The following DSPP variants were observed in gnomAD, a reference collection of about 807,000 sequenced individuals.
DSPP encodes the protein dentin sialophosphoprotein.
A neutral mutation model predicts 29.1 loss-of-function variants in DSPP; 28 were observed. The ratio of observed to expected loss-of-function variants is 0.96; its 90% confidence interval spans 0.71 to 1.32. The LOEUF is 1.32. Ranked by LOEUF, DSPP falls within the 40% of genes most tolerant of loss-of-function variation. The probability of loss-of-function intolerance (pLI) is 0.00; values close to 1 mark genes in which losing one functional copy is unlikely to be tolerated. For synonymous variants in DSPP, 481 were observed against 503.4 expected (o/e 0.96, Z 0.60); for missense variants, 1,281 against 1,629.9 (o/e 0.79, Z 3.69).
In DSPP at chr4:87,616,282, G is replaced by C; in HGVS notation, c.3620G>C (p.Ser1207Thr). 1 of 1,488,768 alleles carries C rather than the reference G, an allele frequency of 6.7e-7. No homozygotes were observed. Among genetic ancestry groups the C allele is most frequent in the Non-Finnish European group, 8.9e-7 (1 of 1,117,358 alleles). 92.2% of individuals were successfully genotyped at this position (1,488,768 alleles called of 1,614,324 possible). ...DSSDSSDSSD[S>T]SDSSDSSDSS... ...AGCGACAGCAGCGATAGTAGTGATA[G>C]CAGTGACAGCAGTGACAGCAGCGAC... The change falls in exon 5 of 5, where the codon AGC (serine) becomes ACC (threonine). Residue 1207 changes from serine to threonine, a missense_variant. Physicochemically the swap from Ser to Thr is moderately conservative, Grantham distance 58 (BLOSUM62 1). Coordinates refer to ENST00000651931, the MANE Select transcript of DSPP (RefSeq NM_014208.3).
In DSPP at chr4:87,615,407, T is replaced by G. The variant is rs1215774260; in HGVS notation, c.2745T>G (p.Ser915Arg). 9 of 1,516,580 alleles carry G rather than the reference T, an allele frequency of 5.9e-6. No individual in the cohort carries two copies. The highest frequency in any genetic ancestry group is 2.4e-5 in the South Asian group (2 of 81,950). 93.9% of individuals were successfully genotyped at this position (1,516,580 alleles called of 1,614,324 possible). A position where few individuals can be genotyped will look rare whatever the true frequency, so the allele number is the denominator to read the frequency against. Residue 915 changes from serine (S) to arginine (R), a missense_variant, in exon 5 of 5, where the codon AGT (serine) becomes AGG (arginine). Around this residue, in one of 4 missense-constraint regions of DSPP, gnomAD observed 444 missense variants for 611.4 expected, o/e 0.73. Transcript: ENST00000651931. The stretch of plus-strand genomic sequence containing the variant: ...ATAGCAGCAACAGCAGTGACAGCAG[T>G]GATAGCAGCAACAGCAGTGATAGCA... ...SSDSSNSSDS[S>R]DSSNSSDSSE...
rs372453629 is a variant in DSPP at position 87,615,971 on chromosome 4, C to T, written c.3309C>T (p.Ser1103=). Residue 1103 remains serine (S), a synonymous_variant, in exon 5 of 5, where the codon AGC becomes AGT. Coordinates refer to ENST00000651931, the MANE Select transcript of DSPP (RefSeq NM_014208.3). ...SSDSSDSSDS[S]DSSDSSDSSD... ...ACAGCAGCGATAGCAGCGACAGCAG[C>T]GACAGCAGCGATAGCAGTGACAGCA... 0.12 allele frequency: 38,934 copies of T among 313,818 alleles called. 15,687 individuals are homozygous for T. Among genetic ancestry groups the T allele is most frequent in the East Asian group, 0.42 (2,439 of 5,848 alleles). The allele number at this position is 313,818 out of a possible 1,614,324, so 19.4% of individuals were successfully genotyped here. A position where few individuals can be genotyped will look rare whatever the true frequency, so the allele number is the denominator to read the frequency against.
intron 4 of DSPP, 67 bp from the exon 5 acceptor site, chr4:87,613,718 C>T (rs780539025): frequency 1.4e-5 from 23 of 1,610,296 alleles, no homozygotes; most frequent in Admixed American, 6.7e-5. Context: ...GTTATTCTTC[C>T]TCAGATCAAT....
At position 87,616,308 on chromosome 4, in the gene DSPP, A is replaced by T; in HGVS notation, c.3646A>T (p.Ser1216Cys). 6.6e-7 allele frequency: 1 copy of T among 1,514,824 alleles called. No individual in the cohort carries two copies. The highest frequency in any genetic ancestry group is 8.9e-7 in the Non-Finnish European group (1 of 1,122,408). The allele number at this position is 1,514,824 out of a possible 1,614,324, so 93.8% of individuals were successfully genotyped here. A position where few individuals can be genotyped will look rare whatever the true frequency, so the allele number is the denominator to read the frequency against. ...DSSDSSDSSD[S>C]SDSSDSSDSS... ...CAGTGACAGCAGTGACAGCAGCGAC[A>T]GCAGTGACAGCAGCGACAGCAGTGA... Residue 1216 changes from serine (S) to cysteine (C), a missense_variant, in exon 5 of 5, where the codon AGC becomes TGC. This residue lies in a region of DSPP where 134 missense variants were observed against 185.0 expected (regional missense o/e 0.72). Coordinates refer to ENST00000651931, the MANE Select transcript of DSPP (RefSeq NM_014208.3).
chr4:87,615,650 CAGCAGTGAT>C lies in DSPP; in HGVS notation c.2994_3002del (p.Asp999_Ser1001del), dbSNP rs1727876731. 3 of 1,538,688 alleles carry C rather than the reference CAGCAGTGAT, an allele frequency of 1.9e-6. No homozygotes were observed. Among genetic ancestry groups the C allele is most frequent in the African/African-American group, 1.4e-5 (1 of 71,206 alleles). ...GCAGTGATAGCAGTGACAGCAGTGA[CAGCAGTGAT>C]AGCAGCAACAGCAGTGATAGCAGTG... On this transcript the variant is annotated inframe_deletion, in exon 5 of 5. Transcript: ENST00000651931.
rs1727802025 is a variant in DSPP at position 87,614,193 on chromosome 4, G to T, written c.1531G>T (p.Glu511Ter). 1.2e-6 allele frequency: 2 copies of T among 1,614,132 alleles called. No individual in the cohort carries two copies. Among genetic ancestry groups the T allele is most frequent in the African/African-American group, 1.3e-5 (1 of 74,950 alleles). ...CAATGGCAGTGACTCAAAAGGAGCAGAAGATGATGACAGTGATAGCACATC... is the reference window on the plus strand; with the variant it reads ...CAATGGCAGTGACTCAAAAGGAGCATAAGATGATGACAGTGATAGCACATC... ...NGNGSDSKGA[E>*]DDDSDSTSDT... The change falls in exon 5 of 5, where the codon GAA becomes TAA. Residue 511 changes from glutamate (E) to a stop codon, truncating the protein, a stop_gained. Coordinates refer to ENST00000651931, the MANE Select transcript of DSPP (RefSeq NM_014208.3). LOFTEE classifies it low-confidence loss of function (END_TRUNC).
chr4:87,609,356 C>A (rs1578139358), intron 1 of DSPP, among the ~76,000 whole-genome samples: 1 of 152,286 alleles, frequency 6.6e-6, no homozygotes. Context: ...TATGCTGAGG[C>A]TCTTCCAAAT....
At chr4:87,611,746 G>T (rs1446521606) in intron 2 of DSPP, among the ~76,000 whole-genome samples, 1 of 152,162 alleles carries the variant, frequency 6.6e-6, no homozygotes, top group Non-Finnish European at 1.5e-5. Flanking sequence ...CTTAGAGCGG[G>T]TTTGTGCTAG....
chr4:87,614,894 T>A lies in DSPP; in HGVS notation c.2232T>A (p.Ser744Arg), dbSNP rs982165935. Reference protein sequence around the residue: ...SSDSSNSSDSSDSSDSSNSSD... With the variant: ...SSDSSNSSDSRDSSDSSNSSD... ...ACAGCAGCAACAGCAGTGACAGCAG[T>A]GATAGCAGTGACAGCAGCAACAGCA... The change falls in exon 5 of 5, where the codon AGT (serine) becomes AGA (arginine). Residue 744 changes from serine (S) to arginine (R), a missense_variant. Around this residue, in one of 4 missense-constraint regions of DSPP, gnomAD observed 444 missense variants for 611.4 expected, o/e 0.73. Transcript: ENST00000651931. 3 of 1,541,878 alleles carry A rather than the reference T, an allele frequency of 1.9e-6. No individual in the cohort carries two copies. Among genetic ancestry groups the A allele is most frequent in the Admixed American group, 2.0e-5 (1 of 50,500 alleles).
chr4:87,609,507 C>T (rs1461379050), intron 1 of DSPP, among the ~76,000 whole-genome samples: 1 of 152,110 alleles, frequency 6.6e-6, no homozygotes, highest in African/African-American at 2.4e-5. Context: ...CCTGGTGTCA[C>T]CTCAGCCTCA....
chr4:87,611,030 A>AGTTT, intron 2 of DSPP, 71 bp downstream of exon 2: 1 of 820,788 alleles, frequency 1.2e-6, no homozygotes, highest in Non-Finnish European at 2.1e-6. Flanking sequence ...TACAAAATGT[A>AGTTT]GTGTGTGTGT....
intron 1 of DSPP, 60 bp from the exon 2 acceptor site, chr4:87,610,821 T>A (rs1401939114): frequency 8.9e-7 from 1 of 1,124,950 alleles, no homozygotes; most frequent in Non-Finnish European, 1.4e-6. Context: ...CAAAATAATA[T>A]AGTACTATGA....
In DSPP at chr4:87,612,849, A is replaced by C. The variant is rs1374838440; in HGVS notation, c.663A>C (p.Arg221Ser). Residue 221 changes from arginine (R) to serine (S), a missense_variant, in exon 4 of 5, where the codon AGA (arginine) becomes AGC (serine). Arg to Ser is a moderately radical substitution (Grantham distance 110). Transcript: ENST00000651931. Reference sequence around the variant, plus strand: ...TAACACCTCAGATCAACAGCAAGAGAAATGGGACTAAGGAAGCTGAGGTAA... The same window carrying C: ...TAACACCTCAGATCAACAGCAAGAGCAATGGGACTAAGGAAGCTGAGGTAA... ...SEITPQINSK[R>S]NGTKEAEVTP... The C allele has an allele frequency of 5.6e-6, 9 of 1,614,024 alleles. No individual in the cohort carries two copies. The highest frequency in any genetic ancestry group is 6.8e-6 in the Non-Finnish European group (8 of 1,180,024).
At chr4:87,611,029 T>TTGTG in intron 2 of DSPP, 70 bp downstream of exon 2, 2 of 1,031,172 alleles carry the variant, frequency 1.9e-6, no homozygotes, top group Non-Finnish European at 1.4e-6. Flanking sequence ...ATACAAAATG[T>TTGTG]AGTGTGTGTG....
chr4:87,616,502 C>T lies in DSPP; in HGVS notation c.3840C>T (p.Asn1280=), dbSNP rs1727960143. ...AGAGCAAGTCTGGTAACGGTAACAACAATGGAAGTGACAGTGACAGTGACA... is the reference window on the plus strand; with the variant it reads ...AGAGCAAGTCTGGTAACGGTAACAATAATGGAAGTGACAGTGACAGTGACA... ...DSQSKSGNGN[N]NGSDSDSDSE... is the part of the protein sequence containing the mutation. The change falls in exon 5 of 5, where the codon AAC becomes AAT. Residue 1280 remains asparagine, a synonymous_variant. Transcript: ENST00000651931. 1.9e-6 allele frequency: 3 copies of T among 1,551,750 alleles called. No homozygotes were observed. Among genetic ancestry groups the T allele is most frequent in the Non-Finnish European group, 2.6e-6 (3 of 1,147,000 alleles).
In DSPP at chr4:87,612,483, A is replaced by G; in HGVS notation, c.297A>G (p.Leu99=). 1.2e-6 allele frequency: 2 copies of G among 1,614,044 alleles called. No individual in the cohort carries two copies. Among genetic ancestry groups the G allele is most frequent in the Middle Eastern group, 1.6e-4 (1 of 6,062 alleles). Residue 99 remains leucine (L), a synonymous_variant, in exon 4 of 5, where the codon TTA becomes TTG. Coordinates refer to ENST00000651931, the MANE Select transcript of DSPP (RefSeq NM_014208.3). ...AGAGTTTTTCTACATATTCCACATT[A>G]GCAAACGAAGAGGGGAATATTGAGG... ...GGKSFSTYST[L]ANEEGNIEGW... is the part of the protein sequence containing the mutation.
At position 87,614,523 on chromosome 4, in the gene DSPP, G is replaced by A. The variant is rs1419502564; in HGVS notation, c.1861G>A (p.Asp621Asn). The change falls in exon 5 of 5, where the codon GAC becomes AAC. Residue 621 changes from aspartate (D) to asparagine (N), a missense_variant. Transcript: ENST00000651931. ...CAGTAGTGATAGTAGTGACAGCAGT[G>A]ACAGCAAGTCAGACAGCAGCAAATC... ...SDSSDSSDSS[D>N]SKSDSSKSES... The A allele has an allele frequency of 6.4e-7, 1 of 1,551,106 alleles. No individual in the cohort carries two copies. Among genetic ancestry groups the A allele is most frequent in the South Asian group, 1.2e-5 (1 of 84,020 alleles).
Position 87,612,797 on chromosome 4 carries a change from G to A in DSPP, c.611G>A (p.Cys204Tyr). Residue 204 changes from cysteine (C) to tyrosine (Y), a missense_variant, in exon 4 of 5, where the codon TGT becomes TAT. Cys to Tyr is a radical substitution (Grantham distance 194, BLOSUM62 -2). Around this residue, in one of 4 missense-constraint regions of DSPP, gnomAD observed 631 missense variants for 643.2 expected, o/e 0.98. Coordinates refer to ENST00000651931, the MANE Select transcript of DSPP (RefSeq NM_014208.3). ...DNEDEIIENS[C>Y]RNEGNTSEIT... ...GAGGATGAAATAATTGAGAATTCCT[G>A]TAGAAACGAGGGTAATACAAGTGAA... 6.2e-7 allele frequency: 1 copy of A among 1,614,168 alleles called. No individual in the cohort carries two copies. Among genetic ancestry groups the A allele is most frequent in the Non-Finnish European group, 8.5e-7 (1 of 1,180,020 alleles).
At chr4:87,608,959 G>C (rs1256875793) in intron 1 of DSPP, among the ~76,000 whole-genome samples, 1 of 152,120 alleles carries the variant, frequency 6.6e-6, no homozygotes, top group African/African-American at 2.4e-5. Flanking sequence ...TTCAAACAAG[G>C]CTTCAATTAG....
Sources: allele counts gnomAD v4.1 joint callset (sites outside exome capture counted in the v4.1 genomes callset), GRCh38; gene constraint gnomAD v4.1.1; regional missense constraint gnomAD v4.1.1; transcripts MANE v1.5; gene names NCBI Gene and HGNC (gene_info 2026-07-23, HGNC 2026-07-21).